Variants in PLS1 observed in about 807,000 individuals in gnomAD.
The protein encoded by PLS1 is plastin 1.
A neutral mutation model predicts 73.7 loss-of-function variants in PLS1; 32 were observed. The observed-to-expected ratio is 0.43, with a 90% CI of 0.33 to 0.58. The LOEUF is 0.58. Ranked by LOEUF, PLS1 falls within the 20% of genes least tolerant of loss-of-function variation. The pLI is 0.04. For synonymous variants in PLS1, 217 were observed against 261.3 expected (o/e 0.83, Z 1.63); for missense variants, 633 against 740.5 (o/e 0.85, Z 1.68).
chr3:142,656,064 C>T (rs1024886861), intron 1 of PLS1, among the ~76,000 whole-genome samples: 4 of 152,116 alleles, frequency 2.6e-5, no homozygotes, highest in Non-Finnish European at 5.9e-5. Context: ...CTGGTTCAAG[C>T]AATACTTGTG....
intron 1 of PLS1, among the ~76,000 whole-genome samples, chr3:142,642,956 A>T (rs2036872366): frequency 6.6e-6 from 1 of 151,556 alleles, no homozygotes. Context: ...ACCATCCTTC[A>T]CCCAGTCCAT....
chr3:142,616,252 CA>C (rs899171007), intron 1 of PLS1, among the ~76,000 whole-genome samples: 2 of 152,178 alleles, frequency 1.3e-5, no homozygotes, highest in Admixed American at 6.5e-5. Flanking sequence ...AATGCAAGAG[CA>C]AACATGAAGA....
intron 1 of PLS1, among the ~76,000 whole-genome samples, chr3:142,651,720 C>CT (rs1477109972): frequency 6.6e-6 from 1 of 152,204 alleles, no homozygotes; most frequent in African/African-American, 2.4e-5. Flanking sequence ...AGGAACCAAA[C>CT]TTAATAGACT....
At chr3:142,694,431 T>G (rs778481824) in intron 10 of PLS1, 38 bp from the exon 11 acceptor site, 1 of 1,319,856 alleles carries the variant, frequency 7.6e-7, no homozygotes, top group Admixed American at 1.8e-5. Context: ...TGGTTCCTTT[T>G]GTCCTGAGTC....
At chr3:142,670,080 G>C (rs1344074688) in intron 3 of PLS1, among the ~76,000 whole-genome samples, 1 of 152,174 alleles carries the variant, frequency 6.6e-6, no homozygotes, top group Non-Finnish European at 1.5e-5. Flanking sequence ...TACAGGTCCT[G>C]TGAGAGTTTG....
chr3:142,643,092 G>A (rs966328521), intron 1 of PLS1, among the ~76,000 whole-genome samples: 7 of 152,184 alleles, frequency 4.6e-5, no homozygotes, highest in African/African-American at 1.7e-4. Context: ...GCAATGATGG[G>A]TGAGAGAGGT....
At chr3:142,665,346 T>C (rs1004422128) in intron 2 of PLS1, among the ~76,000 whole-genome samples, 4 of 151,726 alleles carry the variant, frequency 2.6e-5, no homozygotes, top group Admixed American at 2.6e-4. Flanking sequence ...GCTCATGTTT[T>C]ACAAATCATT....
intron 1 of PLS1, among the ~76,000 whole-genome samples, chr3:142,660,191 G>A (rs1237700332): frequency 1.3e-5 from 2 of 152,140 alleles, no homozygotes; most frequent in African/African-American, 4.8e-5. Flanking sequence ...GAATTGCCAT[G>A]AGACTAACAA....
At chr3:142,608,058 T>G (rs914410659) in intron 1 of PLS1, among the ~76,000 whole-genome samples, 2 of 152,208 alleles carry the variant, frequency 1.3e-5, no homozygotes, top group African/African-American at 4.8e-5. Flanking sequence ...TTGCCCATGC[T>G]GGTCTCAAAC....
chr3:142,696,106 A>G, intron 11 of PLS1, among the ~76,000 whole-genome samples: 1 of 152,188 alleles, frequency 6.6e-6, no homozygotes, highest in Admixed American at 6.5e-5. Flanking sequence ...TTTACTTTTA[A>G]TCTTAGTAAC....
intron 12 of PLS1, among the ~76,000 whole-genome samples, 199 bp from the exon 13 acceptor site, chr3:142,703,669 C>T (rs1332202823): frequency 6.6e-6 from 1 of 152,142 alleles, no homozygotes; most frequent in Non-Finnish European, 1.5e-5. Flanking sequence ...TCTAGGTTAA[C>T]CCACTCAGTG....
chr3:142,655,012 C>G (rs1447002653), intron 1 of PLS1: 4 of 151,994 alleles, frequency 2.6e-5, no homozygotes, highest in Non-Finnish European at 4.4e-5. Flanking sequence ...ATATACAACA[C>G]AAGGCCAGTG....
chr3:142,670,517 C>G (rs192233390), intron 3 of PLS1, among the ~76,000 whole-genome samples: 1 of 152,192 alleles, frequency 6.6e-6, no homozygotes, highest in African/African-American at 2.4e-5. Context: ...GCAAGCAGAA[C>G]TGATTGAATT....
intron 1 of PLS1, among the ~76,000 whole-genome samples, chr3:142,641,828 G>A (rs936413371): frequency 6.6e-6 from 1 of 152,068 alleles, no homozygotes; most frequent in African/African-American, 2.4e-5. Flanking sequence ...CAGCTTTGGG[G>A]TTCAGATTTC....
intron 1 of PLS1, among the ~76,000 whole-genome samples, chr3:142,634,757 A>G (rs898359254): frequency 3.3e-5 from 5 of 152,206 alleles, no homozygotes; most frequent in African/African-American, 1.2e-4. Flanking sequence ...GGCAGAAGGA[A>G]ATACAGGTCT....
At chr3:142,663,614 A>C (rs975343322) in intron 1 of PLS1, among the ~76,000 whole-genome samples, 1 of 152,108 alleles carries the variant, frequency 6.6e-6, no homozygotes, top group Non-Finnish European at 1.5e-5. Flanking sequence ...TGGGAGGATC[A>C]CTTAAGCCTA....
intron 1 of PLS1, among the ~76,000 whole-genome samples, chr3:142,600,833 T>A (rs1198555469): frequency 7.6e-6 from 1 of 131,116 alleles, no homozygotes; most frequent in Non-Finnish European, 1.6e-5. Flanking sequence ...CAAATGAGCT[T>A]GAGAAATGGC....
intron 1 of PLS1, among the ~76,000 whole-genome samples, chr3:142,644,906 C>T (rs931887011): frequency 5.9e-5 from 9 of 152,124 alleles, no homozygotes; most frequent in Non-Finnish European, 8.8e-5. Flanking sequence ...CTTTACTCCT[C>T]CAGAAGCAAA....
chr3:142,678,098 G>C lies in PLS1; in HGVS notation c.564G>C (p.Thr188=), dbSNP rs1247894787. ...GAGCCATCAATAAGAAAAAGCTCAC[G>C]CCATTCACTATTTCTGTAAGTATTT... ...DERAINKKKL[T]PFTISENLNL... is the part of the protein sequence containing the mutation. Residue 188 remains threonine (T), a synonymous_variant, in exon 6 of 16, where the codon ACG becomes ACC. Coordinates refer to ENST00000457734, the MANE Select transcript of PLS1 (RefSeq NM_001145319.2). The C allele has an allele frequency of 6.6e-7, 1 of 1,522,396 alleles. No individual in the cohort carries two copies. The highest frequency in any genetic ancestry group is 2.4e-5 in the East Asian group (1 of 41,132). The allele number at this position is 1,522,396 out of a possible 1,614,324, so 94.3% of individuals were successfully genotyped here.
Sources: allele counts gnomAD v4.1 joint callset (sites outside exome capture counted in the v4.1 genomes callset), GRCh38; gene constraint gnomAD v4.1.1; transcripts MANE v1.5; gene names NCBI Gene and HGNC (gene_info 2026-07-23, HGNC 2026-07-21).